PUM1: variants seen among roughly 807,000 people sequenced by gnomAD.
The protein encoded by PUM1 is pumilio homolog 1.
A neutral mutation model predicts 131.8 loss-of-function variants in PUM1; 13 were observed. The observed-to-expected ratio is 0.10, with a 90% CI of 0.06 to 0.16. The LOEUF is 0.16. PUM1 is among the 10% of genes least tolerant of loss of function. The pLI, the probability that PUM1 is intolerant of heterozygous loss-of-function variation, is 1.00. For synonymous variants in PUM1, 509 were observed against 556.5 expected (o/e 0.91, Z 1.20); for missense variants, 961 against 1,512.4 (o/e 0.64, Z 6.05).
intron 20 of PUM1, among the ~76,000 whole-genome samples, chr1:30,938,337 C>T (rs1237419687): frequency 6.6e-6 from 1 of 152,196 alleles, no homozygotes; most frequent in African/African-American, 2.4e-5. Context: ...ACTGCAACCT[C>T]CACCTCCTAG....
chr1:31,057,865 T>C (rs560512534), intron 2 of PUM1, among the ~76,000 whole-genome samples: 2 of 151,858 alleles, frequency 1.3e-5, no homozygotes, highest in Non-Finnish European at 2.9e-5. Flanking sequence ...TAATGAAAAA[T>C]GTCAGTTCTC....
chr1:31,034,615 C>T (rs1643544393), intron 2 of PUM1, among the ~76,000 whole-genome samples: 1 of 152,138 alleles, frequency 6.6e-6, no homozygotes, highest in African/African-American at 2.4e-5. Context: ...AGAAAGCCTC[C>T]AAGTATTCAG....
chr1:31,007,193 G>A, intron 3 of PUM1, 91 bp from the exon 4 acceptor site: 1 of 907,100 alleles, frequency 1.1e-6, no homozygotes, highest in South Asian at 1.4e-5. Flanking sequence ...GGGTACTGAA[G>A]ATGCTCACGT....
At chr1:31,010,833 G>A (rs1400347321) in intron 3 of PUM1, among the ~76,000 whole-genome samples, 1 of 152,166 alleles carries the variant, frequency 6.6e-6, no homozygotes, top group Non-Finnish European at 1.5e-5. Flanking sequence ...GGAAAGTCAT[G>A]CCTAGGTTCC....
chr1:31,043,653 T>C (rs1406262308), intron 2 of PUM1, among the ~76,000 whole-genome samples: 5 of 152,198 alleles, frequency 3.3e-5, no homozygotes, highest in East Asian at 1.9e-4. Context: ...TGCATATTCA[T>C]TGCATCTAAA....
intron 3 of PUM1, among the ~76,000 whole-genome samples, chr1:31,021,174 G>A (rs145601053): frequency 3.2e-4 from 49 of 152,310 alleles, no homozygotes; most frequent in African/African-American, 1.1e-3. Flanking sequence ...CAGCACTGCT[G>A]ATTTATTGTT....
intron 11 of PUM1, among the ~76,000 whole-genome samples, chr1:30,967,632 T>C (rs959551028): frequency 1.3e-5 from 2 of 152,212 alleles, no homozygotes; most frequent in African/African-American, 4.8e-5. Flanking sequence ...TATGAAAAAC[T>C]GCAGGTGACT....
At chr1:30,954,661 A>G (rs1262796724) in intron 14 of PUM1, among the ~76,000 whole-genome samples, 1 of 152,222 alleles carries the variant, frequency 6.6e-6, no homozygotes, top group Non-Finnish European at 1.5e-5. Flanking sequence ...GCCTGAAATG[A>G]CTGTAGTTCC....
chr1:30,969,902 A>G (rs183268857), intron 10 of PUM1, among the ~76,000 whole-genome samples: 105 of 152,328 alleles, frequency 6.9e-4, no homozygotes, highest in African/African-American at 2.5e-3. Flanking sequence ...GGCACAAGCA[A>G]TCCACCTGCC....
chr1:30,952,449 CGTTCTG>C, intron 15 of PUM1, 86 bp from the exon 16 acceptor site: 1 of 1,587,746 alleles, frequency 6.3e-7, no homozygotes, highest in Non-Finnish European at 8.6e-7. Context: ...AGACTGCATC[CGTTCTG>C]AAACATGTGA....
chr1:30,941,957 C>A, intron 19 of PUM1, 41 bp downstream of exon 19: 1 of 1,499,776 alleles, frequency 6.7e-7, no homozygotes, highest in Non-Finnish European at 9.1e-7. Flanking sequence ...CCTGCACAAG[C>A]CCACAGGTGT....
intron 9 of PUM1, among the ~76,000 whole-genome samples, chr1:30,976,832 TAA>T (rs556880178): frequency 7.1e-5 from 10 of 141,028 alleles, no homozygotes; most frequent in Non-Finnish European, 7.8e-5. Flanking sequence ...TATTCAAGTT[TAA>T]AAAAAAAAAA....
intron 9 of PUM1, among the ~76,000 whole-genome samples, chr1:30,979,404 T>C (rs1641269440): frequency 6.6e-6 from 1 of 152,178 alleles, no homozygotes; most frequent in Non-Finnish European, 1.5e-5. Context: ...GAGACCTGTA[T>C]GTATGAGGCA....
At chr1:30,989,833 G>T (rs914038753) in intron 7 of PUM1, among the ~76,000 whole-genome samples, 1 of 152,140 alleles carries the variant, frequency 6.6e-6, no homozygotes, top group African/African-American at 2.4e-5. Context: ...AAGAACAAAA[G>T]ATATGAACAG....
intron 20 of PUM1, 32 bp downstream of exon 20, chr1:30,941,118 TG>T: frequency 6.3e-7 from 1 of 1,589,270 alleles, no homozygotes; most frequent in Non-Finnish European, 8.6e-7. Flanking sequence ...TCCTCTCTTC[TG>T]GGAAATAGTC....
chr1:31,033,416 C>T lies in PUM1; in HGVS notation c.364-4552G>A, dbSNP rs534213738. On this transcript the variant is annotated intron_variant, in intron 2 of 21. Coordinates refer to ENST00000426105, the MANE Select transcript of PUM1 (RefSeq NM_001020658.2). ...TTTTTTTTTTTTTGAGACGGAGTCT[C>T]GCTCTGTCGCCCAGGCCGGACTGCG... Among the ~76,000 whole-genome samples, 19 of 137,008 alleles carry T rather than the reference C, an allele frequency of 1.4e-4. No individual in the cohort carries two copies. The East Asian group carries it at 2.4e-3, about 17-fold the overall frequency. The allele number at this position is 137,008 out of a possible 152,430, so 89.9% of individuals were successfully genotyped here. A position where few individuals can be genotyped will look rare whatever the true frequency, so the allele number is the denominator to read the frequency against.
At chr1:31,008,882 T>TC (rs1218454323) in intron 3 of PUM1, among the ~76,000 whole-genome samples, 1 of 151,930 alleles carries the variant, frequency 6.6e-6, no homozygotes, top group South Asian at 2.1e-4. Context: ...AAATGTCCTG[T>TC]CCCCTGCAAG....
chr1:31,062,586 C>A (rs1241491582), intron 1 of PUM1, among the ~76,000 whole-genome samples: 2 of 149,386 alleles, frequency 1.3e-5, no homozygotes, highest in Non-Finnish European at 3.0e-5. Flanking sequence ...AGGCACTGCA[C>A]TCCAGCCTGG....
intron 5 of PUM1, among the ~76,000 whole-genome samples, chr1:30,997,413 G>C (rs541460348): frequency 6.6e-6 from 1 of 151,396 alleles, no homozygotes; most frequent in Admixed American, 6.6e-5. Flanking sequence ...CAGGACAATC[G>C]CTTGAACCCA....
Sources: gnomAD v4.1 joint callset for allele counts (sites outside exome capture counted in the v4.1 genomes callset) on GRCh38, gnomAD v4.1.1 for gene constraint, MANE v1.5 for transcripts, NCBI Gene and HGNC (gene_info 2026-07-23, HGNC 2026-07-21) for gene names.